The following TPTE2 variants were observed in gnomAD, a reference collection of about 807,000 sequenced individuals.
TPTE2 encodes phosphatidylinositol 3,4,5-trisphosphate 3-phosphatase TPTE2.
A neutral mutation model predicts 78.6 loss-of-function variants in TPTE2; 53 were observed. That is an observed-to-expected ratio of 0.67 (90% CI 0.54 to 0.85). The LOEUF is 0.85. Among genes scored for constraint, TPTE2 ranks in the 40% least tolerant of loss-of-function variants. The probability of loss-of-function intolerance (pLI) is 0.00; values close to 1 mark genes in which losing one functional copy is unlikely to be tolerated. For missense variants in TPTE2, 461 were observed against 623.0 expected (o/e 0.74, Z 2.77); for synonymous variants, 175 against 206.2 (o/e 0.85, Z 1.30).
intron 10 of TPTE2, chr13:19,458,586 T>A (rs1283759940): frequency 4.2e-5 from 19 of 448,436 alleles, no homozygotes; most frequent in South Asian, 2.8e-4. Context: ...GATAATCCAA[T>A]GGCCTGACCT....
At chr13:19,463,565 T>C (rs1055722591) in intron 10 of TPTE2, among the ~76,000 whole-genome samples, 7 of 152,224 alleles carry the variant, frequency 4.6e-5, no homozygotes, top group Non-Finnish European at 1.0e-4. Flanking sequence ...TTCATGTTTC[T>C]TGTGGCCCTA....
intron 4 of TPTE2, among the ~76,000 whole-genome samples, chr13:19,476,950 T>C (rs894337573): frequency 6.6e-6 from 1 of 152,088 alleles, no homozygotes; most frequent in African/African-American, 2.4e-5. Context: ...AGCAAAGACA[T>C]GGAATCAACC....
chr13:19,430,416 T>G (rs1876476750), intron 17 of TPTE2, 52 bp downstream of exon 20: 2 of 1,361,742 alleles, frequency 1.5e-6, no homozygotes, highest in Admixed American at 1.8e-5. Context: ...TGGTTTGACA[T>G]TCAGCCTTAA....
intron 17 of TPTE2, among the ~76,000 whole-genome samples, chr13:19,427,874 A>T (rs1876253823): frequency 6.6e-6 from 1 of 152,240 alleles, no homozygotes; most frequent in Admixed American, 6.5e-5. Flanking sequence ...GGCCCTGTGA[A>T]AAACACAAAA....
chr13:19,530,841 A>T (rs1374277253), intron 1 of TPTE2, among the ~76,000 whole-genome samples: 1 of 152,074 alleles, frequency 6.6e-6, no homozygotes, highest in Admixed American at 6.6e-5. Context: ...TTTTTTTCTT[A>T]TGGTAAAATA....
chr13:19,451,136 A>C, intron 11 of TPTE2, 29 bp downstream of exon 14: 4 of 1,608,970 alleles, frequency 2.5e-6, no homozygotes, highest in Non-Finnish European at 3.4e-6. Context: ...TTCTACCTAC[A>C]GTAGCAAAAT....
At chr13:19,542,954 T>G in the TPTE2 span, among the ~76,000 whole-genome samples, 1 of 151,786 alleles carries the variant, frequency 6.6e-6, no homozygotes, top group Admixed American at 6.6e-5. Context: ...GCCAGTGTAC[T>G]CTAGCCTGGG....
chr13:19,463,526 T>C (rs1431965864), intron 10 of TPTE2, among the ~76,000 whole-genome samples: 1 of 152,232 alleles, frequency 6.6e-6, no homozygotes, highest in Non-Finnish European at 1.5e-5. Context: ...ATTATTGTAT[T>C]TCTTTGGAGG....
chr13:19,506,950 G>A (rs572008633), upstream of TPTE2, among the ~76,000 whole-genome samples: 2 of 152,318 alleles, frequency 1.3e-5, no homozygotes, highest in East Asian at 3.9e-4. Flanking sequence ...TAGACTTCTT[G>A]TGATCTATTT....
At chr13:19,461,168 G>A (rs571862234) in intron 10 of TPTE2, among the ~76,000 whole-genome samples, 16 of 152,120 alleles carry the variant, frequency 1.1e-4, no homozygotes, top group South Asian at 4.2e-4. Flanking sequence ...TGCCTCTGCC[G>A]TCACGTGAAC....
chr13:19,507,958 G>A (rs989364981), upstream of TPTE2, among the ~76,000 whole-genome samples: 6 of 152,142 alleles, frequency 3.9e-5, no homozygotes, highest in Admixed American at 1.3e-4. Context: ...ATTAAACTCT[G>A]TTAAATTTAC....
At chr13:19,547,538 T>G in the TPTE2 span, among the ~76,000 whole-genome samples, 2 of 151,880 alleles carry the variant, frequency 1.3e-5, no homozygotes, top group African/African-American at 4.8e-5. Flanking sequence ...TATTCAAACA[T>G]GTACACAAGA....
intron 19 of TPTE2, among the ~76,000 whole-genome samples, chr13:19,423,848 C>A (rs978900157): frequency 3.3e-5 from 5 of 152,160 alleles, no homozygotes; most frequent in African/African-American, 1.2e-4. Context: ...AAACGGTATC[C>A]TTTAGCAAGA....
intron 18 of TPTE2, among the ~76,000 whole-genome samples, chr13:19,426,124 C>T (rs541014782): frequency 0.024 from 999 of 41,510 alleles, 8 homozygotes; most frequent in African/African-American, 0.04. Context: ...TAAAACGTAC[C>T]TTTGGGTTTT....
chr13:19,529,788 A>C (rs970303099), intron 1 of TPTE2, among the ~76,000 whole-genome samples: 3 of 152,088 alleles, frequency 2.0e-5, no homozygotes, highest in African/African-American at 7.2e-5. Context: ...TGATCCTGGA[A>C]ACATTACTTC....
chr13:19,497,772 C>G (rs1593399781), intron 1 of TPTE2, among the ~76,000 whole-genome samples: 3 of 151,594 alleles, frequency 2.0e-5, no homozygotes, highest in African/African-American at 7.2e-5. Flanking sequence ...CGCAGTTCCT[C>G]ACCAGCAACG....
chr13:19,438,093 T>G, exon 14 of TPTE2: 1 of 1,607,122 alleles, frequency 6.2e-7, no homozygotes, highest in Non-Finnish European at 8.5e-7. Flanking sequence ...CTTTCATACC[T>G]CGGCAGTTAA....
chr13:19,453,184 C>T lies in TPTE2; in HGVS notation c.742-1959G>A, dbSNP rs984291687. Among the ~76,000 whole-genome samples the T allele has an allele frequency of 1.4e-3, 211 of 151,604 alleles. 5 individuals carry two copies. The highest frequency in any genetic ancestry group is 0.013 in the Admixed American group (197 of 15,170). ...CTGGGATTACAGGTGCCTGCCACCA[C>T]GCCTGGATAATTTTTTGTATTTTTA... On this transcript the variant is annotated intron_variant, in intron 10 of 19. Coordinates refer to ENST00000400230, the Ensembl canonical transcript of TPTE2.
At chr13:19,507,030 G>T (rs1397164677), upstream of TPTE2, among the ~76,000 whole-genome samples, 2 of 152,116 alleles carry the variant, frequency 1.3e-5, no homozygotes, top group Non-Finnish European at 2.9e-5. Context: ...CAGTACTTTA[G>T]AAACAGTGTC....
Sources: allele counts gnomAD v4.1 joint callset (sites outside exome capture counted in the v4.1 genomes callset), GRCh38; gene constraint gnomAD v4.1.1; transcripts MANE v1.5; gene names NCBI Gene and HGNC (gene_info 2026-07-23, HGNC 2026-07-21).